The following IL1RAPL1 variants were observed in gnomAD, a reference collection of about 807,000 sequenced individuals.
The protein encoded by IL1RAPL1 is interleukin-1 receptor accessory protein-like 1.
IL1RAPL1 carries 3 observed loss-of-function variants against 48.4 expected under a neutral mutation model. That is an observed-to-expected ratio of 0.06 (90% CI 0.03 to 0.16). The LOEUF (loss-of-function observed/expected upper bound fraction) is 0.16. IL1RAPL1 is among the 10% of genes least tolerant of loss of function. The probability of loss-of-function intolerance (pLI) is 1.00; values close to 1 mark genes in which losing one functional copy is unlikely to be tolerated. For synonymous variants in IL1RAPL1, 185 were observed against 187.7 expected (o/e 0.99, Z 0.12); for missense variants, 349 against 530.6 (o/e 0.66, Z 3.36).
At chrX:29,924,891 C>A (rs1286267590) in intron 8 of IL1RAPL1, among the ~76,000 whole-genome samples, 1 of 111,718 alleles carries the variant, frequency 9.0e-6, no homozygotes, top group Non-Finnish European at 1.9e-5. Context: ...ACTCCCTAGA[C>A]CTAAAAGTAT....
chrX:29,431,015 G>A (rs1410708127), intron 5 of IL1RAPL1, among the ~76,000 whole-genome samples: 1 of 111,527 alleles, frequency 9.0e-6, no homozygotes. Flanking sequence ...CTGACAGACT[G>A]TTTGCTGTTA....
At chrX:28,959,194 A>G (rs1226515154) in intron 2 of IL1RAPL1, among the ~76,000 whole-genome samples, 1 of 55,458 alleles carries the variant, frequency 1.8e-5, no homozygotes. Flanking sequence ...TTTAATACAT[A>G]TTTCTTATTT....
At chrX:29,129,591 T>TTTTG (rs1478300747) in intron 2 of IL1RAPL1, among the ~76,000 whole-genome samples, 10 of 76,539 alleles carry the variant, frequency 1.3e-4, no homozygotes, top group African/African-American at 4.7e-4. Flanking sequence ...AATGTAAATT[T>TTTTG]TTTTTTTTTT....
At chrX:29,337,973 C>A (rs1455084909) in intron 3 of IL1RAPL1, among the ~76,000 whole-genome samples, 1 of 111,775 alleles carries the variant, frequency 8.9e-6, no homozygotes, top group Non-Finnish European at 1.9e-5. Context: ...CTGCACCTGG[C>A]CGACAAATTT....
At chrX:29,904,575 T>G (rs1189608401) in intron 6 of IL1RAPL1, among the ~76,000 whole-genome samples, 1 of 110,459 alleles carries the variant, frequency 9.1e-6, no homozygotes, top group East Asian at 2.9e-4. Context: ...CCCTATTCCA[T>G]GTGTTCTCAT....
intron 3 of IL1RAPL1, among the ~76,000 whole-genome samples, chrX:29,328,741 C>A (rs980108112): frequency 4.6e-5 from 5 of 108,921 alleles, no homozygotes; most frequent in African/African-American, 1.7e-4. Context: ...TCAGTAATAA[C>A]GTCATGGAGG....
At chrX:29,178,645 G>A (rs1354648900) in intron 2 of IL1RAPL1, among the ~76,000 whole-genome samples, 2 of 111,696 alleles carry the variant, frequency 1.8e-5, no homozygotes, top group Non-Finnish European at 3.8e-5. Context: ...ATTGCTTTTG[G>A]TGTTTCAGTC....
intron 3 of IL1RAPL1, among the ~76,000 whole-genome samples, chrX:29,371,465 A>G (rs1164121201): frequency 9.0e-6 from 1 of 111,491 alleles, no homozygotes; most frequent in Non-Finnish European, 1.9e-5. Flanking sequence ...AAACTTAGAT[A>G]CAGGGGGTAC....
At chrX:29,657,648 A>G (rs968718496) in intron 5 of IL1RAPL1, among the ~76,000 whole-genome samples, 24 of 111,658 alleles carry the variant, frequency 2.1e-4, no homozygotes, top group Non-Finnish European at 5.6e-5. Context: ...GCATTTCTAA[A>G]TAACTTGGGA....
At chrX:28,737,817 A>G (rs765442191) in intron 1 of IL1RAPL1, among the ~76,000 whole-genome samples, 74 of 112,271 alleles carry the variant, frequency 6.6e-4, no homozygotes, top group Middle Eastern at 4.6e-3. Context: ...CAATTCATCC[A>G]ACAAAACTGT....
chrX:29,332,354 C>A (rs903838253), intron 3 of IL1RAPL1, among the ~76,000 whole-genome samples: 2 of 86,090 alleles, frequency 2.3e-5, no homozygotes, highest in African/African-American at 8.5e-5. Context: ...CTTGGTTATA[C>A]CTGCTCAATG....
intron 8 of IL1RAPL1, among the ~76,000 whole-genome samples, chrX:29,926,499 T>C (rs1366041694): frequency 2.7e-5 from 3 of 112,374 alleles, no homozygotes; most frequent in African/African-American, 9.7e-5. Context: ...CTTAACTAAA[T>C]GTTCAATTCT....
chrX:29,893,351 G>T (rs1333183804), intron 6 of IL1RAPL1, among the ~76,000 whole-genome samples: 1 of 111,275 alleles, frequency 9.0e-6, no homozygotes, highest in Non-Finnish European at 1.9e-5. Context: ...TCGAGCCACC[G>T]CATTTATGTT....
At chrX:28,932,433 G>A (rs763961923) in intron 2 of IL1RAPL1, among the ~76,000 whole-genome samples, 1 of 111,225 alleles carries the variant, frequency 9.0e-6, no homozygotes, top group South Asian at 3.7e-4. Flanking sequence ...GGTTTTTCTC[G>A]ATCCTTCCTA....
At chrX:29,782,888 ATTTTTTTTTTTTTTTTTTTTT>A (rs780831874) in intron 6 of IL1RAPL1, among the ~76,000 whole-genome samples, 2 of 31,069 alleles carry the variant, frequency 6.4e-5, no homozygotes, top group African/African-American at 2.5e-4. Flanking sequence ...TGATCGTGAC[ATTTTTTTTTTTTTTTTTTTTT>A]TTTTTTTTTT....
At chrX:29,524,015 A>AT (rs1935528224) in intron 5 of IL1RAPL1, among the ~76,000 whole-genome samples, 1 of 110,946 alleles carries the variant, frequency 9.0e-6, no homozygotes. Context: ...TATAAACTAA[A>AT]AAAAAATCTT....
intron 5 of IL1RAPL1, among the ~76,000 whole-genome samples, chrX:29,517,847 A>C (rs771757623): frequency 1.8e-5 from 2 of 111,853 alleles, no homozygotes; most frequent in South Asian, 7.4e-4. Flanking sequence ...GTTCCTCTCT[A>C]TTTTTTAAAT....
chrX:29,763,279 A>G (rs1928798967), intron 6 of IL1RAPL1, among the ~76,000 whole-genome samples: 1 of 111,493 alleles, frequency 9.0e-6, no homozygotes, highest in African/African-American at 3.2e-5. Flanking sequence ...AAATTATGCA[A>G]GTAATAAATG....
At chrX:29,036,723 A>G (rs1324482479) in intron 2 of IL1RAPL1, among the ~76,000 whole-genome samples, 1 of 111,420 alleles carries the variant, frequency 9.0e-6, no homozygotes, top group Non-Finnish European at 1.9e-5. Flanking sequence ...TAATTCACCA[A>G]AAGTCTATTA....
Sources: gnomAD v4.1 joint callset for allele counts (sites outside exome capture counted in the v4.1 genomes callset) on GRCh38, gnomAD v4.1.1 for gene constraint, MANE v1.5 for transcripts, NCBI Gene and HGNC (gene_info 2026-07-23, HGNC 2026-07-21) for gene names.